Variants in RAP1GAP2 observed in about 807,000 individuals in gnomAD.
RAP1GAP2 encodes the protein rap1 GTPase-activating protein 2.
Under a neutral mutation model 95.0 loss-of-function variants are expected in RAP1GAP2, and 27 were observed. That is an observed-to-expected ratio of 0.28 (90% confidence interval 0.21 to 0.39). The LOEUF is 0.39. RAP1GAP2 is among the 10% of genes least tolerant of loss of function. The pLI is 1.00. For missense variants in RAP1GAP2, 771 were observed against 970.0 expected (o/e 0.79, Z 2.72); for synonymous variants, 373 against 380.9 (o/e 0.98, Z 0.24).
chr17:2,923,028 A>ACC (rs34685070), intron 3 of RAP1GAP2, among the ~76,000 whole-genome samples: 15,565 of 138,826 alleles, frequency 0.11, 1,258 homozygotes, highest in East Asian at 0.32. Context: ...GGCGTCCACC[A>ACC]CCACACCTGG....
intron 2 of RAP1GAP2, among the ~76,000 whole-genome samples, chr17:2,896,569 C>T (rs568998545): frequency 3.9e-5 from 6 of 152,292 alleles, no homozygotes; most frequent in African/African-American, 7.2e-5. Context: ...GCTGCTTGTG[C>T]GGTAAAGGCT....
chr17:2,804,113 C>T (rs974601355), intron 2 of RAP1GAP2, among the ~76,000 whole-genome samples: 3 of 152,186 alleles, frequency 2.0e-5, no homozygotes, highest in Non-Finnish European at 4.4e-5. Context: ...AGGCATCTCT[C>T]CTTCTACAGC....
chr17:2,905,328 G>C lies in RAP1GAP2; in HGVS notation c.125G>C (p.Arg42Pro). Residue 42 changes from arginine (R) to proline (P), a missense_variant, in exon 3 of 25, where the codon CGG (arginine) becomes CCG (proline). Coordinates refer to ENST00000254695, the MANE Select transcript of RAP1GAP2 (RefSeq NM_015085.5). The part of the protein sequence containing the change: ...ANSSDATLPD[R>P]PLSPPLTAPP... ...AGCTCGGATGCGACCCTCCCAGACC[G>C]GCCGCTCTCCCCTCCTCTCACGGCA... The C allele has an allele frequency of 6.2e-7, 1 of 1,613,734 alleles. No homozygotes were observed. Among genetic ancestry groups the C allele is most frequent in the Admixed American group, 1.7e-5 (1 of 60,002 alleles).
chr17:3,012,145 C>G (rs138325738), intron 17 of RAP1GAP2, among the ~76,000 whole-genome samples: 1 of 152,296 alleles, frequency 6.6e-6, no homozygotes, highest in East Asian at 1.9e-4. Context: ...CTTCTGTCCT[C>G]CCAGCTGTAA....
intron 2 of RAP1GAP2, among the ~76,000 whole-genome samples, chr17:2,890,940 C>A (rs2073692351): frequency 6.6e-6 from 1 of 152,184 alleles, no homozygotes; most frequent in Non-Finnish European, 1.5e-5. Context: ...CCCACCTCGG[C>A]CTCCCAAAGT....
At chr17:3,021,650 G>C (rs959155234) in intron 19 of RAP1GAP2, among the ~76,000 whole-genome samples, 1 of 152,190 alleles carries the variant, frequency 6.6e-6, no homozygotes, top group Admixed American at 6.5e-5. Context: ...GGCCAGGCTA[G>C]TCTCGAACTC....
At chr17:2,918,772 A>G (rs1254924219) in intron 3 of RAP1GAP2, among the ~76,000 whole-genome samples, 2 of 152,164 alleles carry the variant, frequency 1.3e-5, no homozygotes, top group Non-Finnish European at 2.9e-5. Context: ...TGAGGGTTAC[A>G]GTCCCACGTG....
chr17:2,940,079 G>A (rs2043438442), intron 3 of RAP1GAP2, among the ~76,000 whole-genome samples: 2 of 152,188 alleles, frequency 1.3e-5, no homozygotes, highest in Non-Finnish European at 2.9e-5. Context: ...GTACCTTTTC[G>A]TGAGTGTCCC....
At chr17:2,899,337 G>GCTGGGA (rs1374117114) in intron 2 of RAP1GAP2, among the ~76,000 whole-genome samples, 2 of 151,850 alleles carry the variant, frequency 1.3e-5, no homozygotes, top group African/African-American at 2.4e-5. Flanking sequence ...CTCTCGAGTA[G>GCTGGGA]CTGGGACTAC....
chr17:3,005,720 G>A lies in RAP1GAP2; in HGVS notation c.1273-235G>A, dbSNP rs1306656490. Among the ~76,000 whole-genome samples, 1 of 152,212 alleles carries A rather than the reference G, an allele frequency of 6.6e-6. No individual in the cohort carries two copies. The highest frequency in any genetic ancestry group is 2.4e-5 in the African/African-American group (1 of 41,456). ...AGCCCCGGTCAAGGAGCCTTGGGCA[G>A]GAATGAGCTCCAGTCGTGGAAGTGC... On this transcript the variant is annotated intron_variant, in intron 15 of 24. Coordinates refer to ENST00000254695, the MANE Select transcript of RAP1GAP2 (RefSeq NM_015085.5). The surrounding 1 kb of genome is among the most constrained non-coding windows in gnomAD (Gnocchi z 5.2).
chr17:2,888,704 C>T (rs568066672), intron 2 of RAP1GAP2, among the ~76,000 whole-genome samples: 206 of 141,534 alleles, frequency 1.5e-3, no homozygotes, highest in Non-Finnish European at 2.4e-3. Context: ...CAGGCTGGAG[C>T]GTATTGGTGC....
intron 11 of RAP1GAP2, among the ~76,000 whole-genome samples, chr17:2,987,588 C>T (rs569820214): frequency 1.6e-4 from 25 of 152,026 alleles, no homozygotes; most frequent in Non-Finnish European, 3.5e-4. Context: ...CTCGAACTCC[C>T]GACCTCAGGT....
chr17:2,910,847 C>T (rs971280152), intron 3 of RAP1GAP2, among the ~76,000 whole-genome samples: 14 of 152,152 alleles, frequency 9.2e-5, no homozygotes, highest in African/African-American at 3.4e-4. Flanking sequence ...TGCCCCAGCG[C>T]ACCACCACAC....
At chr17:2,778,958 G>C (rs534398294) in intron 1 of RAP1GAP2, among the ~76,000 whole-genome samples, 1 of 152,334 alleles carries the variant, frequency 6.6e-6, no homozygotes, top group South Asian at 2.1e-4. Context: ...GCCAGACAAG[G>C]GTGGCTCTGT....
rs756703755 is a variant in RAP1GAP2 at position 2,995,483 on chromosome 17, G to A, written c.1044+17G>A. The A allele has an allele frequency of 3.1e-6, 5 of 1,613,222 alleles. No individual in the cohort carries two copies. The South Asian group carries it at 3.3e-5, about 11-fold the overall frequency. ...GCCCAGCAGGTAACCTGGTTTGGGA[G>A]GGCTTTGGGAGCCCAGGGCGGGCGA... On this transcript the variant is annotated intron_variant, in intron 13 of 24. Coordinates refer to ENST00000254695, the MANE Select transcript of RAP1GAP2 (RefSeq NM_015085.5).
At chr17:2,916,802 C>T (rs1175627871) in intron 3 of RAP1GAP2, among the ~76,000 whole-genome samples, 2 of 152,312 alleles carry the variant, frequency 1.3e-5, no homozygotes, top group East Asian at 3.9e-4. Context: ...GAGAAACACA[C>T]AGTCAGGGCT....
rs1182428584 is a variant in RAP1GAP2, at chr17:2,896,449, G to A, written c.81-8835G>A. ...CCGGAATGGGAGTCAGAGATCTCAG[G>A]GTTGAGGTCCAGCTCTCGTATTTTC... On this transcript the variant is annotated intron_variant, in intron 2 of 24. Coordinates refer to ENST00000254695, the MANE Select transcript of RAP1GAP2 (RefSeq NM_015085.5). Among the ~76,000 whole-genome samples the A allele has an allele frequency of 2.0e-5, 3 of 152,170 alleles. No individual in the cohort carries two copies. In the East Asian group the frequency reaches 5.8e-4, roughly 29 times the overall value.
intron 3 of RAP1GAP2, among the ~76,000 whole-genome samples, chr17:2,953,166 T>A (rs1215185805): frequency 6.6e-6 from 1 of 152,084 alleles, no homozygotes; most frequent in Non-Finnish European, 1.5e-5. Flanking sequence ...TCCAGATCAT[T>A]TTCTATGAAT....
chr17:2,981,387 C>A, intron 10 of RAP1GAP2, 139 bp downstream of exon 10: 1 of 756,166 alleles, frequency 1.3e-6, no homozygotes, highest in Non-Finnish European at 2.1e-6. Context: ...CTCCCTCTCT[C>A]CCTGCCCACC....
Sources: gnomAD v4.1 joint callset for allele counts (sites outside exome capture counted in the v4.1 genomes callset) on GRCh38, gnomAD v4.1.1 for gene constraint, Gnocchi (gnomAD v3.1) non-coding constraint, MANE v1.5 for transcripts, NCBI Gene and HGNC (gene_info 2026-07-23, HGNC 2026-07-21) for gene names.